Variants in GALNT16 observed in about 807,000 individuals in gnomAD.
The protein encoded by GALNT16 is polypeptide N-acetylgalactosaminyltransferase 16, also known as UDP-GalNAc:polypeptide N-acetylgalactosaminyltransferase-like protein 1.
GALNT16 carries 40 observed loss-of-function variants against 76.1 expected under a neutral mutation model. That is an observed-to-expected ratio of 0.53 (90% CI 0.41 to 0.68). The LOEUF (loss-of-function observed/expected upper bound fraction) is 0.68, where lower values mean the gene tolerates loss of function less well. Among genes scored for constraint, GALNT16 ranks in the 30% least tolerant of loss-of-function variants. The probability of loss-of-function intolerance (pLI) is 0.00; values close to 1 mark genes in which losing one functional copy is unlikely to be tolerated. For missense variants in GALNT16, 621 were observed against 731.9 expected, an observed-to-expected ratio of 0.85 and a Z score of 1.75; for synonymous variants, 276 against 285.2, an observed-to-expected ratio of 0.97 and a Z score of 0.32.
chr14:69,300,519 A>G (rs1594833783), intron 1 of GALNT16, among the ~76,000 whole-genome samples: 1 of 152,174 alleles, frequency 6.6e-6, no homozygotes, highest in East Asian at 1.9e-4. Context: ...TTTGCCTATT[A>G]GGGTCTGGGG....
intron 1 of GALNT16, among the ~76,000 whole-genome samples, chr14:69,320,095 T>A (rs1237634046): frequency 6.6e-6 from 1 of 151,558 alleles, no homozygotes; most frequent in Non-Finnish European, 1.5e-5. Context: ...ACCCCCCCAA[T>A]ATCCCGCAAA....
At chr14:69,312,101 CTA>C (rs911602110) in intron 1 of GALNT16, among the ~76,000 whole-genome samples, 2 of 146,250 alleles carry the variant, frequency 1.4e-5, no homozygotes, top group African/African-American at 2.5e-5. Flanking sequence ...ATCTATCTAT[CTA>C]TATCTATCTA....
chr14:69,275,143 G>A (rs73290572), intron 1 of GALNT16, among the ~76,000 whole-genome samples: 2,217 of 152,332 alleles, frequency 0.015, 61 homozygotes, highest in African/African-American at 0.05. Flanking sequence ...TGCCATAGCT[G>A]TGGGAAGATA....
intron 1 of GALNT16, among the ~76,000 whole-genome samples, chr14:69,264,643 G>T (rs1193730244): frequency 6.6e-6 from 1 of 152,024 alleles, no homozygotes; most frequent in Non-Finnish European, 1.5e-5. Context: ...GTGGGAATAT[G>T]ATTTGCCTAA....
Position 69,320,869 on chromosome 14 carries a change from G to GT in GALNT16, c.335+2dup. The GT allele has an allele frequency of 6.2e-7, 1 of 1,613,378 alleles. No homozygotes were observed. Among genetic ancestry groups the GT allele is most frequent in the East Asian group, 2.2e-5 (1 of 44,878 alleles). ...CCATCCGGGACACCCGCCATTACAG[G>GT]TACGGCCTCCATCGTGTCAGTGGAG... On this transcript the variant is annotated splice_donor_variant, in intron 2 of 14. Transcript: ENST00000448469. LOFTEE classifies it high-confidence loss of function.
At chr14:69,273,036 C>A (rs1312796600) in intron 1 of GALNT16, among the ~76,000 whole-genome samples, 2 of 152,212 alleles carry the variant, frequency 1.3e-5, no homozygotes, top group Admixed American at 6.5e-5. Flanking sequence ...CCTAGTTTAC[C>A]TTGACTTCAG....
chr14:69,312,053 AAATCTG>A lies in GALNT16; in HGVS notation c.178-8657_178-8652del, dbSNP rs748171125. Among the ~76,000 whole-genome samples the A allele has an allele frequency of 5.9e-4, 75 of 127,766 alleles. 2 individuals carry two copies. Among genetic ancestry groups the A allele is most frequent in the East Asian group, 2.8e-3 (8 of 2,816 alleles). 83.8% of individuals were successfully genotyped at this position (127,766 alleles called of 152,430 possible). A position where few individuals can be genotyped will look rare whatever the true frequency, so the allele number is the denominator to read the frequency against. ...ATCCTGTTTCTAAAAAAAAAAAAAA[AAATCTG>A]TCTATCTATCTATCTATCTATCTAT... is the stretch of plus-strand genomic sequence containing the variant. On this transcript the variant is annotated intron_variant, in intron 1 of 14. Coordinates refer to ENST00000448469, the MANE Select transcript of GALNT16 (RefSeq NM_001168368.2).
chr14:69,374,509 T>C, the GALNT16 span, among the ~76,000 whole-genome samples: 2 of 152,212 alleles, frequency 1.3e-5, no homozygotes, highest in African/African-American at 4.8e-5. Flanking sequence ...GTAGGATGTC[T>C]TGCTAGTCAA....
intron 1 of GALNT16, among the ~76,000 whole-genome samples, chr14:69,285,040 C>CGTTTTTT (rs35894482): frequency 1.6e-5 from 2 of 127,504 alleles, no homozygotes; most frequent in Non-Finnish European, 1.6e-5. Flanking sequence ...CTCGGGCACT[C>CGTTTTTT]TTTTTTTTTT....
At position 69,340,180 on chromosome 14, in the gene GALNT16, C is replaced by G. The variant is rs7155896; in HGVS notation, c.1187+561C>G. ...GGGTTAGTATTGTCCTTATGAAACT[C>G]TTATTTCCGTTGTGGGTGCATGTGT... is the stretch of plus-strand genomic sequence containing the variant. On this transcript the variant is annotated intron_variant, in intron 11 of 14. Coordinates refer to ENST00000448469, the MANE Select transcript of GALNT16 (RefSeq NM_001168368.2). 6.6e-3 allele frequency among the ~76,000 whole-genome samples: 1,007 copies of G among 152,242 alleles called. 11 individuals are homozygous for G. The highest frequency in any genetic ancestry group is 0.023 in the African/African-American group (958 of 41,544).
intron 7 of GALNT16, 31 bp downstream of exon 7, chr14:69,331,582 G>A (rs369239282): frequency 5.6e-6 from 7 of 1,251,382 alleles, no homozygotes; most frequent in Non-Finnish European, 8.2e-6. Context: ...TGGGGCTGTA[G>A]ACATGAAAGG....
intron 12 of GALNT16, among the ~76,000 whole-genome samples, chr14:69,345,107 T>A (rs771598493): frequency 1.3e-5 from 2 of 152,238 alleles, no homozygotes; most frequent in Non-Finnish European, 2.9e-5. Flanking sequence ...TGCAAGCTCA[T>A]TGTGGCCTGA....
intron 1 of GALNT16, among the ~76,000 whole-genome samples, chr14:69,273,907 T>G (rs900114435): frequency 6.6e-6 from 1 of 152,226 alleles, no homozygotes; most frequent in African/African-American, 2.4e-5. Flanking sequence ...TCCTCTTCTT[T>G]GCTTAAAAAC....
rs372225615 is a variant in GALNT16, at chr14:69,346,531, A to C, written c.1272-509A>C. Among the ~76,000 whole-genome samples the C allele has an allele frequency of 5.9e-5, 9 of 152,248 alleles. No individual in the cohort carries two copies. The East Asian group carries it at 9.7e-4, about 16-fold the overall frequency. Reference sequence around the variant, plus strand: ...CGACACTGGGCATTGTCATTAAATTAAGTGTGTGTGTGTACAAATGTACAT... The same window carrying C: ...CGACACTGGGCATTGTCATTAAATTCAGTGTGTGTGTGTACAAATGTACAT... On this transcript the variant is annotated intron_variant, in intron 12 of 14. Coordinates refer to ENST00000448469, the MANE Select transcript of GALNT16 (RefSeq NM_001168368.2).
At chr14:69,334,503 A>G (rs995029476) in intron 9 of GALNT16, among the ~76,000 whole-genome samples, 1 of 152,230 alleles carries the variant, frequency 6.6e-6, no homozygotes. Context: ...CGGAAGGTGC[A>G]ACCGACTTGA....
chr14:69,333,228 G>T lies in GALNT16; in HGVS notation c.863+59G>T. 1 of 1,218,686 alleles carries T rather than the reference G, an allele frequency of 8.2e-7. No individual in the cohort carries two copies. The highest frequency in any genetic ancestry group is 1.2e-6 in the Non-Finnish European group (1 of 850,298). The allele number at this position is 1,218,686 out of a possible 1,614,324, so 75.5% of individuals were successfully genotyped here. A position where few individuals can be genotyped will look rare whatever the true frequency, so the allele number is the denominator to read the frequency against. ...CCTTCCCTGGGTCAGGGGCCTGGGA[G>T]GCTCTTGGGAGGCTGTATCGGTCGC... On this transcript the variant is annotated intron_variant, in intron 8 of 14. Coordinates refer to ENST00000448469, the MANE Select transcript of GALNT16 (RefSeq NM_001168368.2). This position sits in a 1 kb window ranked among gnomAD's most constrained non-coding sequence, Gnocchi z 4.2.
At chr14:69,288,434 A>T (rs1444519333) in intron 1 of GALNT16, among the ~76,000 whole-genome samples, 2 of 152,204 alleles carry the variant, frequency 1.3e-5, no homozygotes, top group Non-Finnish European at 2.9e-5. Context: ...TTTAGTGGGG[A>T]TGCTGCCAAA....
At chr14:69,316,554 G>T (rs1413231493) in intron 1 of GALNT16, among the ~76,000 whole-genome samples, 1 of 152,214 alleles carries the variant, frequency 6.6e-6, no homozygotes, top group East Asian at 1.9e-4. Context: ...AGAGTTACAT[G>T]TGGTGGTTGG....
intron 1 of GALNT16, 149 bp downstream of exon 1, chr14:69,260,616 T>C: frequency 2.2e-6 from 1 of 452,862 alleles, no homozygotes; most frequent in Non-Finnish European, 3.3e-6. Flanking sequence ...TTCCTGCCCG[T>C]TGTTATGGCA....
Sources: allele counts gnomAD v4.1 joint callset (sites outside exome capture counted in the v4.1 genomes callset), GRCh38; gene constraint gnomAD v4.1.1; non-coding constraint Gnocchi (gnomAD v3.1); transcripts MANE v1.5; gene names NCBI Gene and HGNC (gene_info 2026-07-23, HGNC 2026-07-21).